The following KIT variants were observed in gnomAD, a reference collection of about 807,000 sequenced individuals.
KIT encodes the protein KIT proto-oncogene, receptor tyrosine kinase.
Under a neutral mutation model 105.7 loss-of-function variants are expected in KIT, and 16 were observed. The ratio of observed to expected loss-of-function variants is 0.15; its 90% CI spans 0.10 to 0.23. The LOEUF is 0.23. Among genes scored for constraint, KIT ranks in the 10% least tolerant of loss-of-function variants. The pLI is 1.00. For missense variants in KIT, 858 were observed against 1,213.8 expected, an observed-to-expected ratio of 0.71 and a Z score of 4.36; for synonymous variants, 438 against 441.1, an observed-to-expected ratio of 0.99 and a Z score of 0.09.
chr4:54,696,430 T>C (rs1644418359), intron 2 of KIT, among the ~76,000 whole-genome samples: 1 of 152,182 alleles, frequency 6.6e-6, no homozygotes, highest in African/African-American at 2.4e-5. Flanking sequence ...GTGTATCTTG[T>C]AGTTGATGTA....
chr4:54,737,071 A>G, intron 19 of KIT, 104 bp from the exon 20 acceptor site: 1 of 790,486 alleles, frequency 1.3e-6, no homozygotes, highest in South Asian at 1.4e-5. Flanking sequence ...CCATATGTCC[A>G]GTTGCATAGC....
At chr4:54,722,222 G>A (rs1721921636) in intron 7 of KIT, among the ~76,000 whole-genome samples, 1 of 152,056 alleles carries the variant, frequency 6.6e-6, no homozygotes, top group Admixed American at 6.6e-5. Flanking sequence ...CTGACCTCAG[G>A]TGATCCACTG....
intron 7 of KIT, among the ~76,000 whole-genome samples, chr4:54,714,085 G>T (rs1320639438): frequency 6.6e-6 from 1 of 152,080 alleles, no homozygotes; most frequent in Non-Finnish European, 1.5e-5. Context: ...TTAACTTTTG[G>T]AATTGCTTAT....
rs529362289 is a variant in KIT at position 54,667,154 on chromosome 4, CAG to C, written c.67+9074_67+9075del. ...CCAAAGTCCTTTTCTCTTGATTACTCAGGGGTGGATTGGTTACCCACCACTCT... is the reference window on the plus strand; with the variant it reads ...CCAAAGTCCTTTTCTCTTGATTACTCGGGTGGATTGGTTACCCACCACTCT... On this transcript the variant is annotated intron_variant, in intron 1 of 20. Coordinates refer to ENST00000288135, the MANE Select transcript of KIT (RefSeq NM_000222.3). 2.0e-3 allele frequency among the ~76,000 whole-genome samples: 301 copies of C among 152,276 alleles called. 1 individual carries two copies. Among genetic ancestry groups the C allele is most frequent in the African/African-American group, 6.8e-3 (284 of 41,558 alleles).
chr4:54,673,960 A>G (rs1270620658), intron 1 of KIT, among the ~76,000 whole-genome samples: 1 of 152,112 alleles, frequency 6.6e-6, no homozygotes, highest in Non-Finnish European at 1.5e-5. Context: ...TAGTAGAGAC[A>G]GGGTTTCACC....
intron 1 of KIT, among the ~76,000 whole-genome samples, chr4:54,676,448 G>A (rs777856710): frequency 1.4e-4 from 22 of 152,164 alleles, no homozygotes; most frequent in East Asian, 3.9e-4. Context: ...ATGTCAGAAC[G>A]TCAGACCAGG....
intron 14 of KIT, among the ~76,000 whole-genome samples, chr4:54,729,783 T>G (rs1190153512): frequency 6.6e-6 from 1 of 152,212 alleles, no homozygotes; most frequent in African/African-American, 2.4e-5. Context: ...GTCCTGCATG[T>G]ATTTCCATTT....
chr4:54,729,925 A>G (rs1347202114), intron 14 of KIT, among the ~76,000 whole-genome samples: 2 of 152,288 alleles, frequency 1.3e-5, no homozygotes, highest in South Asian at 2.1e-4. Flanking sequence ...AGCTCTGAAC[A>G]TATCTCCACA....
rs1471406283 is a variant in KIT at position 54,725,921 on chromosome 4, A to C, written c.1411A>C (p.Lys471Gln). 1.2e-6 allele frequency: 2 copies of C among 1,614,152 alleles called. No individual in the cohort carries two copies. The change falls in exon 9 of 21, where the codon AAG becomes CAG. Residue 471 changes from lysine to glutamine, a missense_variant. Lys to Gln is a moderately conservative substitution (Grantham distance 53). Coordinates refer to ENST00000288135, the MANE Select transcript of KIT (RefSeq NM_000222.3). ...TLNSSGPPFG[K>Q]LVVQSSIDSS... ...AAACTCATCTGGGCCACCGTTTGGA[A>C]AGCTAGTGGTTCAGAGTTCTATAGA...
At chr4:54,686,434 G>C (rs2855775) in intron 1 of KIT, among the ~76,000 whole-genome samples, 5,734 of 152,244 alleles carry the variant, frequency 0.038, 373 homozygotes, top group African/African-American at 0.13. Flanking sequence ...AATTTGCATT[G>C]TCCAAAGGAA....
At chr4:54,673,289 TA>T (rs1718243052) in intron 1 of KIT, among the ~76,000 whole-genome samples, 1 of 152,210 alleles carries the variant, frequency 6.6e-6, no homozygotes, top group Non-Finnish European at 1.5e-5. Context: ...TAGACCTTCT[TA>T]GCCTGTATTC....
intron 1 of KIT, among the ~76,000 whole-genome samples, chr4:54,692,996 T>G (rs1435976574): frequency 5.3e-5 from 8 of 152,178 alleles, no homozygotes; most frequent in Non-Finnish European, 1.2e-4. Context: ...TAAAGCACCT[T>G]CAGTCTGTCC....
At chr4:54,701,460 A>G (rs546988731) in intron 4 of KIT, among the ~76,000 whole-genome samples, 59 of 152,314 alleles carry the variant, frequency 3.9e-4, no homozygotes, top group African/African-American at 1.4e-3. Context: ...ACTTTTTAGC[A>G]TTGTTGCCAT....
chr4:54,659,536 G>T (rs1036845512), intron 1 of KIT, among the ~76,000 whole-genome samples: 1 of 152,182 alleles, frequency 6.6e-6, no homozygotes, highest in African/African-American at 2.4e-5. Flanking sequence ...AAAGTCTCCA[G>T]GCGCAGTCTG....
chr4:54,708,139 G>A (rs1442978201), intron 6 of KIT, among the ~76,000 whole-genome samples: 1 of 152,154 alleles, frequency 6.6e-6, no homozygotes, highest in Non-Finnish European at 1.5e-5. Flanking sequence ...ATGCCTTTAG[G>A]TTGGGTGGTG....
Position 54,738,630 on chromosome 4 carries a change from T to C in KIT, c.*73T>C, listed in dbSNP as rs1723069866. On this transcript the variant is annotated 3_prime_UTR_variant, in exon 21 of 21. Transcript: ENST00000288135. ...GGCTTCCATGATGGTTATTTTCTTT[T>C]CTTTCAACTTGCATCCAACTCCAGG... 2 of 1,580,798 alleles carry C rather than the reference T, an allele frequency of 1.3e-6. No individual in the cohort carries two copies. The highest frequency in any genetic ancestry group is 1.3e-5 in the African/African-American group (1 of 74,470).
rs1223408803 is a variant in KIT at position 54,738,578 on chromosome 4, AC to A, written c.*25del. On this transcript the variant is annotated 3_prime_UTR_variant, in exon 21 of 21. Coordinates refer to ENST00000288135, the MANE Select transcript of KIT (RefSeq NM_000222.3). ...TCTGAGCAGAATCAGTGTTTGGGTC[AC>A]CCCTCCAGGAATGATCTCTTCTTTT... The A allele has an allele frequency of 1.9e-6, 3 of 1,612,836 alleles. No homozygotes were observed. The Admixed American group carries it at 5.0e-5, about 27-fold the overall frequency.
In KIT at chr4:54,686,091, G is replaced by C. The variant is rs376755094; in HGVS notation, c.68-9421G>C. 4.3e-4 allele frequency among the ~76,000 whole-genome samples: 66 copies of C among 152,232 alleles called. No individual in the cohort carries two copies. In the South Asian group the frequency reaches 0.013, roughly 30 times the overall value. On this transcript the variant is annotated intron_variant, in intron 1 of 20. Transcript: ENST00000288135. ...TTACACAAGTGCTTGCTTTGTTACT[G>C]ATCCAGCCTTGTTTGCCATTAATTA...
intron 5 of KIT, among the ~76,000 whole-genome samples, chr4:54,706,754 A>G (rs1195293998): frequency 1.3e-5 from 2 of 152,152 alleles, no homozygotes; most frequent in South Asian, 2.1e-4. Context: ...ATAATTATAT[A>G]TTGGGTCTGT....
Sources: gnomAD v4.1 joint callset for allele counts (sites outside exome capture counted in the v4.1 genomes callset) on GRCh38, gnomAD v4.1.1 for gene constraint, MANE v1.5 for transcripts, NCBI Gene and HGNC (gene_info 2026-07-23, HGNC 2026-07-21) for gene names.